The following CREB3L2 variants were observed in gnomAD, a reference collection of about 807,000 sequenced individuals.
CREB3L2 encodes the protein cyclic AMP-responsive element-binding protein 3-like protein 2.
In CREB3L2, 23 loss-of-function variants were observed where a neutral mutation model predicts 57.2. The ratio of observed to expected loss-of-function variants is 0.40; its 90% CI spans 0.29 to 0.57. The LOEUF is 0.57. Ranked by LOEUF, CREB3L2 falls within the 20% of genes least tolerant of loss-of-function variation. CREB3L2 has a pLI of 0.42. For missense variants in CREB3L2, 628 were observed against 634.7 expected (o/e 0.99, Z 0.11); for synonymous variants, 268 against 265.1 (o/e 1.01, Z -0.11).
At chr7:137,914,315 G>T (rs1470740559) in intron 3 of CREB3L2, among the ~76,000 whole-genome samples, 1 of 152,084 alleles carries the variant, frequency 6.6e-6, no homozygotes, top group Non-Finnish European at 1.5e-5. Flanking sequence ...ATGCCTCTGA[G>T]CTTTGCTAGT....
intron 1 of CREB3L2, among the ~76,000 whole-genome samples, chr7:137,975,423 C>T (rs1585670963): frequency 6.6e-6 from 1 of 152,344 alleles, no homozygotes; most frequent in Middle Eastern, 3.4e-3. Context: ...CGGGCTGACA[C>T]ACACTGCAAC....
At chr7:137,910,725 G>C (rs1394329282) in intron 4 of CREB3L2, among the ~76,000 whole-genome samples, 1 of 152,018 alleles carries the variant, frequency 6.6e-6, no homozygotes, top group Non-Finnish European at 1.5e-5. Context: ...CCAAGCAGAG[G>C]GCACCCCACA....
intron 1 of CREB3L2, among the ~76,000 whole-genome samples, chr7:137,995,612 C>T (rs1208619680): frequency 6.6e-6 from 1 of 152,114 alleles, no homozygotes; most frequent in African/African-American, 2.4e-5. Flanking sequence ...GGATTACAGG[C>T]GTCAGCCACC....
chr7:137,979,078 T>C (rs1801664489), intron 1 of CREB3L2, among the ~76,000 whole-genome samples: 1 of 152,174 alleles, frequency 6.6e-6, no homozygotes, highest in Non-Finnish European at 1.5e-5. Context: ...TCTTAAGTAA[T>C]TGACCATATC....
intron 1 of CREB3L2, among the ~76,000 whole-genome samples, chr7:137,932,022 G>A (rs1235829508): frequency 2.0e-5 from 3 of 152,040 alleles, no homozygotes; most frequent in Non-Finnish European, 2.9e-5. Flanking sequence ...GCCAGACTTG[G>A]TGTTTATCTT....
At chr7:137,991,909 A>G (rs1359883762) in intron 1 of CREB3L2, among the ~76,000 whole-genome samples, 1 of 12,624 alleles carries the variant, frequency 7.9e-5, no homozygotes, top group East Asian at 0.011. Flanking sequence ...CTCTGCCTCA[A>G]AAAAAAAAAA....
chr7:137,902,578 A>AG (rs1215105309), intron 7 of CREB3L2, among the ~76,000 whole-genome samples: 3 of 152,180 alleles, frequency 2.0e-5, no homozygotes, highest in Non-Finnish European at 4.4e-5. Flanking sequence ...CACGGTATTC[A>AG]GGGGGGATTA....
chr7:137,894,396 A>C (rs1438780624), intron 8 of CREB3L2, among the ~76,000 whole-genome samples: 2 of 152,188 alleles, frequency 1.3e-5, no homozygotes, highest in Non-Finnish European at 2.9e-5. Flanking sequence ...CATATCTTCT[A>C]TAAATAAGGC....
At chr7:137,995,940 T>C (rs1318924178) in intron 1 of CREB3L2, among the ~76,000 whole-genome samples, 1 of 152,212 alleles carries the variant, frequency 6.6e-6, no homozygotes, top group African/African-American at 2.4e-5. Context: ...TGAGAACAAT[T>C]TCAGAGACAG....
intron 5 of CREB3L2, 58 bp downstream of exon 5, chr7:137,908,194 C>T: frequency 8.7e-7 from 1 of 1,155,064 alleles, no homozygotes; most frequent in East Asian, 3.2e-5. Context: ...GGATACAGCC[C>T]CAGGGGAATG....
chr7:137,990,856 C>A (rs1290678376), intron 1 of CREB3L2, among the ~76,000 whole-genome samples: 1 of 152,142 alleles, frequency 6.6e-6, no homozygotes, highest in African/African-American at 2.4e-5. Context: ...ATGTGAAAAA[C>A]CAGGATTTTC....
At position 138,001,705 on chromosome 7, in the gene CREB3L2, T is replaced by TG. The variant is rs1802080872; in HGVS notation, c.-1dup. The TG allele has an allele frequency of 6.2e-7, 1 of 1,607,732 alleles. No individual in the cohort carries two copies. Among genetic ancestry groups the TG allele is most frequent in the African/African-American group, 1.3e-5 (1 of 74,838 alleles). ...TGCTCCCCGCTCTCCAGCACCTCCA[T>TG]GGCGGTGCGGGCCGCGCTGGGCCGA... is the stretch of plus-strand genomic sequence containing the variant. On this transcript the variant is annotated 5_prime_UTR_variant, in exon 1 of 12. Coordinates refer to ENST00000330387, the MANE Select transcript of CREB3L2 (RefSeq NM_194071.4). The surrounding 1 kb of genome is among the most constrained non-coding windows in gnomAD (Gnocchi z 4.2).
rs541964925 is a variant in CREB3L2, at chr7:137,986,890, G to A, written c.102+14714C>T. Among the ~76,000 whole-genome samples, 13 of 152,322 alleles carry A rather than the reference G, an allele frequency of 8.5e-5. No homozygotes were observed. The South Asian group carries it at 2.5e-3, about 29-fold the overall frequency. On this transcript the variant is annotated intron_variant, in intron 1 of 11. Transcript: ENST00000330387. ...TTTCTGCCCCTCTCTTAGCACACAAGAAAACGTGTCTGTGAAGACTGCCTT... is the reference window on the plus strand; with the variant it reads ...TTTCTGCCCCTCTCTTAGCACACAAAAAAACGTGTCTGTGAAGACTGCCTT...
chr7:137,953,060 G>A (rs1049399202), intron 1 of CREB3L2, among the ~76,000 whole-genome samples: 1 of 152,202 alleles, frequency 6.6e-6, no homozygotes, highest in Non-Finnish European at 1.5e-5. Flanking sequence ...CAAGTGATCT[G>A]CCTGCCTCGG....
chr7:137,901,883 A>AAAAAAAG lies in CREB3L2; in HGVS notation c.975-462_975-461insCTTTTTT, dbSNP rs1480438724. 1.4e-5 allele frequency among the ~76,000 whole-genome samples: 2 copies of AAAAAAAG among 146,262 alleles called. 1 individual carries two copies. Among genetic ancestry groups the AAAAAAAG allele is most frequent in the South Asian group, 4.3e-4 (2 of 4,612 alleles). On this transcript the variant is annotated intron_variant, in intron 7 of 11. Transcript: ENST00000330387. ...AGAGCAAGATCTGTCTCAAAAAAAAAAAAAAAAAAGAAAAATAGAAGGAGC... is the reference window on the plus strand; with the variant it reads ...AGAGCAAGATCTGTCTCAAAAAAAAAAAAAAAGAAAAAAAAAGAAAAATAGAAGGAGC...
chr7:137,880,405 G>T lies in CREB3L2; in HGVS notation c.*71C>A. On this transcript the variant is annotated 3_prime_UTR_variant, in exon 12 of 12. Coordinates refer to ENST00000330387, the MANE Select transcript of CREB3L2 (RefSeq NM_194071.4). The surrounding 1 kb of genome is among the most constrained non-coding windows in gnomAD (Gnocchi z 4.0). The stretch of plus-strand genomic sequence containing the variant: ...GAAGATCCAGTGGCAAAGAGGAAAA[G>T]CTGATGACAAAGGTGGTTTGGGGAT... The T allele has an allele frequency of 1.6e-6, 2 of 1,265,720 alleles. No individual in the cohort carries two copies. Among genetic ancestry groups the T allele is most frequent in the African/African-American group, 1.5e-5 (1 of 68,112 alleles). 78.4% of individuals were successfully genotyped at this position (1,265,720 alleles called of 1,614,324 possible).
intron 10 of CREB3L2, among the ~76,000 whole-genome samples, 182 bp from the exon 11 acceptor site, chr7:137,882,810 T>C (rs1322950224): frequency 1.3e-5 from 2 of 152,156 alleles, no homozygotes; most frequent in African/African-American, 2.4e-5. Context: ...AGTTTGTGCA[T>C]TGAAAAATTA....
intron 1 of CREB3L2, among the ~76,000 whole-genome samples, chr7:137,990,416 A>G (rs949695238): frequency 7.2e-5 from 11 of 152,222 alleles, no homozygotes; most frequent in Non-Finnish European, 1.5e-4. Context: ...CATGCAAAAC[A>G]TGTATCAGGC....
intron 1 of CREB3L2, among the ~76,000 whole-genome samples, chr7:137,974,380 G>A (rs1024259545): frequency 6.6e-6 from 1 of 152,216 alleles, no homozygotes; most frequent in Non-Finnish European, 1.5e-5. Context: ...GGAAAAGGGT[G>A]AAAAGAGTGT....
Sources: gnomAD v4.1 joint callset for allele counts (sites outside exome capture counted in the v4.1 genomes callset) on GRCh38, gnomAD v4.1.1 for gene constraint, Gnocchi (gnomAD v3.1) non-coding constraint, MANE v1.5 for transcripts, NCBI Gene and HGNC (gene_info 2026-07-23, HGNC 2026-07-21) for gene names.